The following EEIG1 variants were observed in gnomAD, a reference collection of about 807,000 sequenced individuals.
EEIG1 encodes the protein early estrogen-induced gene 1 protein.
the EEIG1 span, chr9:127,944,817 G>A: frequency 1.2e-5 from 20 of 1,612,134 alleles, no homozygotes; most frequent in East Asian, 2.0e-4. Context: ...GGCTCTGCAC[G>A]ATCTTCTCCA....
the EEIG1 span, among the ~76,000 whole-genome samples, chr9:127,964,107 A>ACC: frequency 1.3e-5 from 2 of 152,110 alleles, no homozygotes; most frequent in Admixed American, 6.5e-5. Context: ...CGGGGGGTGG[A>ACC]TGAGGCTGGT....
chr9:127,954,058 A>T, the EEIG1 span: 10 of 1,023,260 alleles, frequency 9.8e-6, no homozygotes, highest in East Asian at 2.5e-5. Flanking sequence ...TGTGTCACAA[A>T]ATAGCTGTGT....
the EEIG1 span, among the ~76,000 whole-genome samples, chr9:127,947,329 G>A: frequency 6.6e-6 from 1 of 151,760 alleles, no homozygotes. Flanking sequence ...CCAGCTACTC[G>A]GGAGGCTGAG....
the EEIG1 span, among the ~76,000 whole-genome samples, chr9:127,975,280 G>A: frequency 2.6e-5 from 4 of 152,290 alleles, no homozygotes; most frequent in East Asian, 3.9e-4. Context: ...CATCCCAGCC[G>A]TGCCATGGAA....
the EEIG1 span, among the ~76,000 whole-genome samples, chr9:127,945,953 C>T: frequency 6.6e-6 from 1 of 152,252 alleles, no homozygotes; most frequent in South Asian, 2.1e-4. The surrounding 1 kb of genome is among the most constrained non-coding windows in gnomAD (Gnocchi z 6.5). Context: ...CCACAGAGGG[C>T]ACACTTGGGT....
the EEIG1 span, chr9:127,948,220 G>A: frequency 1.5e-5 from 25 of 1,613,926 alleles, no homozygotes; most frequent in Non-Finnish European, 2.1e-5. Context: ...GGCAGTCGAT[G>A]GTGGCCTTGG....
At chr9:127,949,105 G>C in the EEIG1 span, among the ~76,000 whole-genome samples, 212 of 152,206 alleles carry the variant, frequency 1.4e-3, no homozygotes, top group South Asian at 0.022. Context: ...CACGAGGTCA[G>C]GGGCTCGAGA....
chr9:127,967,822 G>A, the EEIG1 span, among the ~76,000 whole-genome samples: 1 of 152,154 alleles, frequency 6.6e-6, no homozygotes, highest in African/African-American at 2.4e-5. Context: ...GGACACCCAT[G>A]CTGAATGGGG....
the EEIG1 span, chr9:127,944,372 C>G: frequency 1.3e-5 from 8 of 592,814 alleles, no homozygotes; most frequent in African/African-American, 1.5e-4. Context: ...TGGAGGTGAC[C>G]TTGTGAACTG....
chr9:127,971,002 A>G, the EEIG1 span, among the ~76,000 whole-genome samples: 1 of 152,144 alleles, frequency 6.6e-6, no homozygotes, highest in Non-Finnish European at 1.5e-5. Flanking sequence ...CACCAGAAGG[A>G]GCCCAAGAAT....
At chr9:127,942,887 C>T in the EEIG1 span, 16 of 457,870 alleles carry the variant, frequency 3.5e-5, no homozygotes, top group South Asian at 6.7e-5. Flanking sequence ...CCAGCAGCGC[C>T]GGTCCTTGCC....
the EEIG1 span, chr9:127,980,242 C>G: frequency 7.7e-7 from 1 of 1,303,816 alleles, no homozygotes; most frequent in African/African-American, 1.5e-5. Flanking sequence ...AGAGCCGGAT[C>G]CCGCCCTGAT....
chr9:127,976,021 T>C, the EEIG1 span, among the ~76,000 whole-genome samples: 3 of 152,206 alleles, frequency 2.0e-5, no homozygotes. This position sits in a 1 kb window ranked among gnomAD's most constrained non-coding sequence, Gnocchi z 4.1. Context: ...CCCCACCCCC[T>C]GAAAGGTCCT....
chr9:127,966,208 G>A, the EEIG1 span, among the ~76,000 whole-genome samples: 1 of 152,148 alleles, frequency 6.6e-6, no homozygotes, highest in Non-Finnish European at 1.5e-5. Context: ...CAGGCTTGCT[G>A]GGAAAGCGTC....
the EEIG1 span, among the ~76,000 whole-genome samples, chr9:127,945,200 G>A: frequency 2.6e-5 from 4 of 152,178 alleles, no homozygotes; most frequent in Admixed American, 6.5e-5. The surrounding 1 kb of genome is among the most constrained non-coding windows in gnomAD (Gnocchi z 6.5). Flanking sequence ...CCTGCTGCAC[G>A]CCGGGCATGG....
the EEIG1 span, chr9:127,945,527 A>C: frequency 6.4e-7 from 1 of 1,568,650 alleles, no homozygotes; most frequent in South Asian, 1.2e-5. This position sits in a 1 kb window ranked among gnomAD's most constrained non-coding sequence, Gnocchi z 6.5. Context: ...GTCAGGTCTG[A>C]GAGGCTGGAG....
the EEIG1 span, chr9:127,944,847 C>T: frequency 6.2e-7 from 1 of 1,612,644 alleles, no homozygotes; most frequent in East Asian, 2.2e-5. Context: ...CCGCATCGAT[C>T]CGCGTGTCGT....
the EEIG1 span, chr9:127,944,790 G>C: frequency 6.2e-7 from 1 of 1,611,906 alleles, no homozygotes; most frequent in Non-Finnish European, 8.5e-7. Flanking sequence ...CGGTGTTGCT[G>C]CCATCTGTGA....
chr9:127,947,146 G>A, the EEIG1 span, among the ~76,000 whole-genome samples: 1 of 150,980 alleles, frequency 6.6e-6, no homozygotes, highest in Non-Finnish European at 1.5e-5. Context: ...GGTGGCTCAC[G>A]CCTGTAATCC....
Sources: allele counts gnomAD v4.1 joint callset (sites outside exome capture counted in the v4.1 genomes callset), GRCh38; gene constraint gnomAD v4.1.1; non-coding constraint Gnocchi (gnomAD v3.1); transcripts MANE v1.5; gene names NCBI Gene and HGNC (gene_info 2026-07-23, HGNC 2026-07-21).